Variants in STIMATE observed in about 807,000 individuals in gnomAD.
The protein encoded by STIMATE is STIM activating enhancer.
In STIMATE, 15 loss-of-function variants were observed where a neutral mutation model predicts 36.7. The ratio of observed to expected loss-of-function variants is 0.41; its 90% confidence interval spans 0.27 to 0.63. The LOEUF is 0.63. Ranked by LOEUF, STIMATE falls within the 20% of genes least tolerant of loss-of-function variation. The pLI, the probability that STIMATE is intolerant of heterozygous loss-of-function variation, is 0.32. For missense variants in STIMATE, 305 were observed against 397.3 expected, an observed-to-expected ratio of 0.77 and a Z score of 1.98; for synonymous variants, 163 against 162.3, an observed-to-expected ratio of 1.00 and a Z score of -0.03.
intron 3 of STIMATE, among the ~76,000 whole-genome samples, chr3:52,852,280 C>T (rs1483718484): frequency 6.6e-6 from 1 of 152,168 alleles, no homozygotes; most frequent in Admixed American, 6.5e-5. Flanking sequence ...TCCTGTAGGG[C>T]ATTATCCTTC....
intron 3 of STIMATE, among the ~76,000 whole-genome samples, chr3:52,850,725 T>C (rs1333778649): frequency 1.4e-5 from 2 of 143,930 alleles, no homozygotes; most frequent in African/African-American, 5.0e-5. Context: ...AAGTAATATT[T>C]TTACACTGTT....
chr3:52,849,785 A>G lies in STIMATE; in HGVS notation c.427+7T>C, dbSNP rs1700966677. ...TCACGCCCTGTCCGGCATCCACAGCATATTACCATATTCGCCGAAGCGCAG... is the reference window on the plus strand; with the variant it reads ...TCACGCCCTGTCCGGCATCCACAGCGTATTACCATATTCGCCGAAGCGCAG... On this transcript the variant is annotated splice_region_variant and intron_variant, in intron 4 of 7. Coordinates refer to ENST00000355083, the MANE Select transcript of STIMATE (RefSeq NM_198563.5). 6.2e-7 allele frequency: 1 copy of G among 1,611,926 alleles called. No individual in the cohort carries two copies. Among genetic ancestry groups the G allele is most frequent in the Non-Finnish European group, 8.5e-7 (1 of 1,179,856 alleles).
At chr3:52,859,209 A>G (rs1439320302) in intron 1 of STIMATE, among the ~76,000 whole-genome samples, 2 of 150,474 alleles carry the variant, frequency 1.3e-5, no homozygotes, top group Non-Finnish European at 3.0e-5. Context: ...ATAAAAAACA[A>G]TGAGGTAGAT....
At position 52,881,684 on chromosome 3, in the gene STIMATE, A is replaced by C. The variant is rs1471397176; in HGVS notation, c.160+15607T>G. Among the ~76,000 whole-genome samples the C allele has an allele frequency of 5.3e-5, 8 of 152,198 alleles. No individual in the cohort carries two copies. The East Asian group carries it at 1.5e-3, about 29-fold the overall frequency. ...ACCACTGCACTCCAGCCCGGGCGAC[A>C]GAGTGAGACTCCGTCTCTAAATAAA... is the stretch of plus-strand genomic sequence containing the variant. On this transcript the variant is annotated intron_variant, in intron 1 of 7. Coordinates refer to ENST00000355083, the MANE Select transcript of STIMATE (RefSeq NM_198563.5).
In STIMATE at chr3:52,838,642, T is replaced by C. The variant is rs1416063272; in HGVS notation, c.*1852A>G. On this transcript the variant is annotated 3_prime_UTR_variant, in exon 8 of 8. Coordinates refer to ENST00000355083, the MANE Select transcript of STIMATE (RefSeq NM_198563.5). Reference sequence around the variant, plus strand: ...TGACACCAGCAAAGTTGCCTCCTACTGTAGTTACAGTCCCTGCTCCTCTCA... The same window carrying C: ...TGACACCAGCAAAGTTGCCTCCTACCGTAGTTACAGTCCCTGCTCCTCTCA... The C allele has an allele frequency of 6.6e-6, 1 of 152,232 alleles. No homozygotes were observed. The highest frequency in any genetic ancestry group is 6.6e-5 in the Admixed American group (1 of 15,266). 9.4% of individuals were successfully genotyped at this position (152,232 alleles called of 1,614,324 possible). A position where few individuals can be genotyped will look rare whatever the true frequency, so the allele number is the denominator to read the frequency against.
At chr3:52,856,213 C>A (rs1423024667) in intron 1 of STIMATE, among the ~76,000 whole-genome samples, 1 of 152,146 alleles carries the variant, frequency 6.6e-6, no homozygotes, top group Non-Finnish European at 1.5e-5. Context: ...CAATAGGTAA[C>A]AAGAGAACCT....
rs1473905856 is a variant in STIMATE, at chr3:52,842,967, G to A, written c.619-7C>T. 6.2e-7 allele frequency: 1 copy of A among 1,614,192 alleles called. No individual in the cohort carries two copies. Among genetic ancestry groups the A allele is most frequent in the Admixed American group, 1.7e-5 (1 of 60,022 alleles). ...CTACCCAAAACATCAAAGCCTGTGG[G>A]AAGGAAAAGTGCAGGTTACTTTGGG... On this transcript the variant is annotated splice_polypyrimidine_tract_variant and splice_region_variant and intron_variant, in intron 6 of 7. Transcript: ENST00000355083.
At chr3:52,885,127 G>C (rs960140493) in intron 1 of STIMATE, among the ~76,000 whole-genome samples, 1 of 152,058 alleles carries the variant, frequency 6.6e-6, no homozygotes, top group South Asian at 2.1e-4. Flanking sequence ...GGTATATATT[G>C]GTATCTCATC....
intron 1 of STIMATE, among the ~76,000 whole-genome samples, chr3:52,863,312 T>C (rs1701248582): frequency 6.6e-6 from 1 of 152,148 alleles, no homozygotes; most frequent in African/African-American, 2.4e-5. Flanking sequence ...AGGCACTTCT[T>C]ACATGGTGGT....
rs1301578997 is a variant in STIMATE at position 52,837,147 on chromosome 3, G to A, written c.*3347C>T. The A allele has an allele frequency of 6.5e-6, 1 of 153,376 alleles. No individual in the cohort carries two copies. The allele number at this position is 153,376 out of a possible 1,614,324, so 9.5% of individuals were successfully genotyped here. ...CAGCCCCACATTCTACAAGGCAGCT[G>A]CTCTGGCCAGTGGGAAGCTCCTTGC... On this transcript the variant is annotated 3_prime_UTR_variant, in exon 8 of 8. Transcript: ENST00000355083.
In STIMATE at chr3:52,887,994, GTTTTTT is replaced by G. The variant is rs71087029; in HGVS notation, c.160+9291_160+9296del. Among the ~76,000 whole-genome samples, 224 of 52,696 alleles carry G rather than the reference GTTTTTT, an allele frequency of 4.3e-3. 3 individuals carry two copies. The highest frequency in any genetic ancestry group is 0.013 in the African/African-American group (184 of 14,278). 34.6% of individuals were successfully genotyped at this position (52,696 alleles called of 152,430 possible). On this transcript the variant is annotated intron_variant, in intron 1 of 7. Coordinates refer to ENST00000355083, the MANE Select transcript of STIMATE (RefSeq NM_198563.5). ...GCTCTAACTTCATATAACAGAATCAGTTTTTTTTTTTTTTTTTTTTTTTTTTTGCCA... is the reference window on the plus strand; with the variant it reads ...GCTCTAACTTCATATAACAGAATCAGTTTTTTTTTTTTTTTTTTTTTGCCA...
At chr3:52,855,645 G>C (rs1701079856) in intron 1 of STIMATE, among the ~76,000 whole-genome samples, 1 of 152,186 alleles carries the variant, frequency 6.6e-6, no homozygotes, top group South Asian at 2.1e-4. Context: ...GGACTCTTTA[G>C]AACTGGACAC....
intron 1 of STIMATE, among the ~76,000 whole-genome samples, chr3:52,888,515 T>C (rs1701730070): frequency 6.6e-6 from 1 of 152,262 alleles, no homozygotes; most frequent in Non-Finnish European, 1.5e-5. Flanking sequence ...GGATGCGGCA[T>C]GCACCGTGTG....
At position 52,840,127 on chromosome 3, in the gene STIMATE, G is replaced by T. The variant is rs1422363998; in HGVS notation, c.*367C>A. 1 of 153,304 alleles carries T rather than the reference G, an allele frequency of 6.5e-6. No individual in the cohort carries two copies. The highest frequency in any genetic ancestry group is 1.5e-5 in the Non-Finnish European group (1 of 68,504). 9.5% of individuals were successfully genotyped at this position (153,304 alleles called of 1,614,324 possible). On this transcript the variant is annotated 3_prime_UTR_variant, in exon 8 of 8. Transcript: ENST00000355083. ...GCCACGGTGAGGAGACCCACCCACGGTCTGTGTGCCTGTGCTTCCTTCCAC... is the reference window on the plus strand; with the variant it reads ...GCCACGGTGAGGAGACCCACCCACGTTCTGTGTGCCTGTGCTTCCTTCCAC...
At chr3:52,841,265 T>A (rs1700793289) in intron 7 of STIMATE, among the ~76,000 whole-genome samples, 1 of 152,262 alleles carries the variant, frequency 6.6e-6, no homozygotes, top group Non-Finnish European at 1.5e-5. Flanking sequence ...CCATGACACA[T>A]GCAGTTGTTG....
At chr3:52,875,503 T>A (rs1434261497) in intron 1 of STIMATE, among the ~76,000 whole-genome samples, 5 of 152,138 alleles carry the variant, frequency 3.3e-5, no homozygotes, top group Non-Finnish European at 7.4e-5. Context: ...GCAGGTTAGA[T>A]TTCTGTCCCC....
At chr3:52,852,482 G>C (rs1701021655) in intron 3 of STIMATE, 121 bp downstream of exon 3, 3 of 1,227,692 alleles carry the variant, frequency 2.4e-6, no homozygotes, top group Admixed American at 2.0e-5. Flanking sequence ...GGAGCACAGA[G>C]GAAAAGGGGA....
intron 1 of STIMATE, among the ~76,000 whole-genome samples, chr3:52,893,193 G>A (rs571203206): frequency 6.6e-6 from 1 of 152,274 alleles, no homozygotes; most frequent in South Asian, 2.1e-4. Flanking sequence ...GTGACATTTG[G>A]GGAAATGTGA....
intron 1 of STIMATE, among the ~76,000 whole-genome samples, chr3:52,883,421 T>C (rs1701642035): frequency 6.6e-6 from 1 of 152,242 alleles, no homozygotes; most frequent in African/African-American, 2.4e-5. Flanking sequence ...TGGATTAGTG[T>C]GATTTTCTTT....
Sources: gnomAD v4.1 joint callset for allele counts (sites outside exome capture counted in the v4.1 genomes callset) on GRCh38, gnomAD v4.1.1 for gene constraint, MANE v1.5 for transcripts, NCBI Gene and HGNC (gene_info 2026-07-23, HGNC 2026-07-21) for gene names.